ILDR1: variants seen among roughly 807,000 people sequenced by gnomAD.
The protein encoded by ILDR1 is immunoglobulin like domain containing receptor 1.
A neutral mutation model predicts 62.4 loss-of-function variants in ILDR1; 56 were observed. The observed-to-expected ratio is 0.90, with a 90% CI of 0.72 to 1.12. The LOEUF is 1.12. Among genes scored for constraint, ILDR1 ranks in the 50% most tolerant of loss-of-function variants. The pLI is 0.00. For synonymous variants in ILDR1, 284 were observed against 277.8 expected (o/e 1.02, Z -0.22); for missense variants, 736 against 710.6 (o/e 1.04, Z -0.41).
chr3:122,005,289 C>G lies in ILDR1; in HGVS notation c.334G>C (p.Val112Leu). Reference sequence around the variant, plus strand: ...CGCTGCCGGTAATCTACCCCCAGCACGGGCTCATTCTGCCCCCGCCGCTGG... The same window carrying G: ...CGCTGCCGGTAATCTACCCCCAGCAGGGGCTCATTCTGCCCCCGCCGCTGG... ...VAQRRGQNEP[V>L]LGVDYRQRKI... Residue 112 changes from valine (V) to leucine (L), a missense_variant, in exon 3 of 8, where the codon GTG becomes CTG. Transcript: ENST00000344209. The G allele has an allele frequency of 6.2e-7, 1 of 1,613,610 alleles. No homozygotes were observed. Among genetic ancestry groups the G allele is most frequent in the East Asian group, 2.2e-5 (1 of 44,828 alleles).
At chr3:122,054,079 C>T in the ILDR1 span, among the ~76,000 whole-genome samples, 1 of 152,098 alleles carries the variant, frequency 6.6e-6, no homozygotes, top group South Asian at 2.1e-4. Flanking sequence ...ATTGTTCTAT[C>T]TTCTTATTTG....
chr3:122,045,427 A>G, the ILDR1 span, among the ~76,000 whole-genome samples: 2 of 152,122 alleles, frequency 1.3e-5, no homozygotes, highest in East Asian at 1.9e-4. Flanking sequence ...GTAGATGTCT[A>G]TTAGGTCCAC....
chr3:122,039,133 G>A, the ILDR1 span, among the ~76,000 whole-genome samples: 1 of 151,084 alleles, frequency 6.6e-6, no homozygotes, highest in East Asian at 1.9e-4. Context: ...TAACATACAC[G>A]TACTGAAATT....
chr3:122,046,290 T>A, the ILDR1 span, among the ~76,000 whole-genome samples: 1 of 150,248 alleles, frequency 6.7e-6, no homozygotes, highest in South Asian at 2.1e-4. Context: ...AGAGATCCGC[T>A]GTTAGTCTGA....
the ILDR1 span, among the ~76,000 whole-genome samples, chr3:122,028,097 G>T: frequency 6.6e-6 from 1 of 152,052 alleles, no homozygotes; most frequent in Non-Finnish European, 1.5e-5. Flanking sequence ...GGAGGCCAAG[G>T]CGGGCAGATC....
chr3:122,010,122 G>T (rs2877559), intron 1 of ILDR1, among the ~76,000 whole-genome samples: 47,331 of 151,956 alleles, frequency 0.31, 8,366 homozygotes, highest in Middle Eastern at 0.47. Flanking sequence ...GTTTCAGTAA[G>T]CAAGAAAGGA....
At chr3:122,037,532 G>T in the ILDR1 span, among the ~76,000 whole-genome samples, 4 of 152,294 alleles carry the variant, frequency 2.6e-5, no homozygotes, top group Admixed American at 2.6e-4. Context: ...TGGAATGGGA[G>T]CATTTACCCA....
chr3:122,018,825 C>T (rs2071815588), intron 1 of ILDR1, among the ~76,000 whole-genome samples: 1 of 152,118 alleles, frequency 6.6e-6, no homozygotes, highest in Non-Finnish European at 1.5e-5. Context: ...GGACAGTCTC[C>T]CATCCATCAC....
chr3:122,049,449 T>C, the ILDR1 span, among the ~76,000 whole-genome samples: 2 of 152,242 alleles, frequency 1.3e-5, no homozygotes, highest in Non-Finnish European at 2.9e-5. Context: ...GTCTAGATGT[T>C]CTAACCTTTA....
the ILDR1 span, among the ~76,000 whole-genome samples, chr3:122,030,342 G>A: frequency 2.6e-5 from 4 of 151,954 alleles, no homozygotes; most frequent in African/African-American, 7.3e-5. Flanking sequence ...CAGGGGGAGG[G>A]GAGGGAGAGA....
chr3:122,029,511 A>AAAAAAT, the ILDR1 span, among the ~76,000 whole-genome samples: 8 of 139,476 alleles, frequency 5.7e-5, no homozygotes, highest in African/African-American at 2.3e-4. Flanking sequence ...GTCTAAAAAA[A>AAAAAAT]ATATATATAT....
the ILDR1 span, among the ~76,000 whole-genome samples, chr3:122,046,631 T>A: frequency 6.6e-6 from 1 of 151,372 alleles, no homozygotes; most frequent in Non-Finnish European, 1.5e-5. Flanking sequence ...TTTATTCTTT[T>A]TTCTCTAAAC....
the ILDR1 span, among the ~76,000 whole-genome samples, chr3:122,054,150 A>G: frequency 1.3e-5 from 2 of 152,188 alleles, no homozygotes; most frequent in African/African-American, 2.4e-5. Flanking sequence ...GTCATCTGCT[A>G]TTTTTAAACT....
Position 122,022,209 on chromosome 3 carries a change from G to T in ILDR1, c.-132C>A. 1.3e-6 allele frequency: 1 copy of T among 782,746 alleles called. No individual in the cohort carries two copies. The allele number at this position is 782,746 out of a possible 1,614,324, so 48.5% of individuals were successfully genotyped here. A position where few individuals can be genotyped will look rare whatever the true frequency, so the allele number is the denominator to read the frequency against. On this transcript the variant is annotated 5_prime_UTR_variant, in exon 1 of 8. Coordinates refer to ENST00000344209, the MANE Select transcript of ILDR1 (RefSeq NM_001199799.2). ...GTTTCCCCTCCCTCGGCGCAGCGGG[G>T]AGGGAGCGTCCGCTCTGGTCCCGGG...
Position 122,004,979 on chromosome 3 carries a change from G to A in ILDR1, c.379+265C>T, listed in dbSNP as rs556379844. ...TAGCCCTGAATCTCAGGAAAGCAAA[G>A]GGAACCATTCACCCCTAGACCTTTA... On this transcript the variant is annotated intron_variant, in intron 3 of 7. Coordinates refer to ENST00000344209, the MANE Select transcript of ILDR1 (RefSeq NM_001199799.2). Among the ~76,000 whole-genome samples, 42 of 152,330 alleles carry A rather than the reference G, an allele frequency of 2.8e-4. No individual in the cohort carries two copies. In the South Asian group the frequency reaches 8.5e-3, roughly 31 times the overall value.
At chr3:122,007,426 CCAA>C in intron 1 of ILDR1, 1 of 543,294 alleles carries the variant, frequency 1.8e-6, no homozygotes, top group Non-Finnish European at 3.3e-6. Context: ...GATGACATAT[CCAA>C]CAACAATATA....
At chr3:122,055,415 G>A in the ILDR1 span, 1 of 1,451,478 alleles carries the variant, frequency 6.9e-7, no homozygotes, top group South Asian at 1.1e-5. Flanking sequence ...CTCTGCTGCT[G>A]TAACAGGGAC....
intron 1 of ILDR1, among the ~76,000 whole-genome samples, chr3:122,020,890 T>C (rs541722102): frequency 6.6e-6 from 1 of 152,280 alleles, no homozygotes; most frequent in South Asian, 2.1e-4. Flanking sequence ...GGGATATCAA[T>C]TTTCTAGTTT....
At chr3:122,024,346 T>C (rs1281300274), upstream of ILDR1, among the ~76,000 whole-genome samples, 2 of 152,226 alleles carry the variant, frequency 1.3e-5, no homozygotes, top group Non-Finnish European at 2.9e-5. Flanking sequence ...ACAGAACTTA[T>C]TTTGGGAAAT....
Sources: allele counts gnomAD v4.1 joint callset (sites outside exome capture counted in the v4.1 genomes callset), GRCh38; gene constraint gnomAD v4.1.1; transcripts MANE v1.5; gene names NCBI Gene and HGNC (gene_info 2026-07-23, HGNC 2026-07-21).